The following CREB5 variants were observed in gnomAD, a reference collection of about 807,000 sequenced individuals.
CREB5 encodes cAMP responsive element binding protein 5, also known as cyclic AMP-responsive element-binding protein 5.
In CREB5, 19 loss-of-function variants were observed where a neutral mutation model predicts 57.1. The observed-to-expected ratio is 0.33, with a 90% CI of 0.23 to 0.49. The LOEUF (loss-of-function observed/expected upper bound fraction) is 0.49. CREB5 is among the 20% of genes least tolerant of loss of function. The pLI is 0.99. For missense variants in CREB5, 579 were observed against 671.6 expected (o/e 0.86, Z 1.52); for synonymous variants, 238 against 238.3 (o/e 1.00, Z 0.01).
intron 5 of CREB5, among the ~76,000 whole-genome samples, chr7:28,648,353 AT>A (rs1429830977): frequency 1.3e-5 from 2 of 152,204 alleles, no homozygotes; most frequent in African/African-American, 4.8e-5. Flanking sequence ...ATCCAACTCA[AT>A]TTACAAACAT....
At chr7:28,428,529 A>T (rs1274422559) in intron 1 of CREB5, among the ~76,000 whole-genome samples, 8 of 152,148 alleles carry the variant, frequency 5.3e-5, no homozygotes, top group African/African-American at 1.9e-4. Flanking sequence ...GGACTTGCTG[A>T]GGGATTGGCT....
chr7:28,810,196 A>C (rs1316896128), intron 9 of CREB5, among the ~76,000 whole-genome samples: 1 of 152,090 alleles, frequency 6.6e-6, no homozygotes, highest in Non-Finnish European at 1.5e-5. Context: ...CATTTGTTCT[A>C]ATGTTAAAAA....
intron 1 of CREB5, among the ~76,000 whole-genome samples, chr7:28,418,397 C>T (rs1788104997): frequency 6.6e-6 from 1 of 152,132 alleles, no homozygotes. Context: ...CACGCACCTT[C>T]TTGTGAAGTC....
intron 7 of CREB5, among the ~76,000 whole-genome samples, chr7:28,803,107 G>T (rs914883470): frequency 6.6e-5 from 10 of 152,176 alleles, no homozygotes; most frequent in African/African-American, 2.4e-4. Flanking sequence ...CAAGTTATTT[G>T]TGTGCATGTC....
intron 5 of CREB5, among the ~76,000 whole-genome samples, chr7:28,638,636 C>A (rs1185484111): frequency 6.6e-6 from 1 of 152,050 alleles, no homozygotes; most frequent in Non-Finnish European, 1.5e-5. Context: ...TGTGTGCCAC[C>A]ACGCCCGGTC....
chr7:28,442,356 G>T (rs1306479139), intron 1 of CREB5, among the ~76,000 whole-genome samples: 1 of 152,116 alleles, frequency 6.6e-6, no homozygotes, highest in Non-Finnish European at 1.5e-5. Context: ...TGGACATATA[G>T]GTTGATTCTA....
chr7:28,796,530 T>C (rs1368624001), intron 7 of CREB5, among the ~76,000 whole-genome samples: 1 of 152,172 alleles, frequency 6.6e-6, no homozygotes, highest in East Asian at 1.9e-4. Context: ...GATTCTCATC[T>C]CATTATGTAC....
chr7:28,598,414 A>G (rs1373028501), intron 5 of CREB5, among the ~76,000 whole-genome samples: 4 of 152,166 alleles, frequency 2.6e-5, no homozygotes, highest in African/African-American at 7.2e-5. Flanking sequence ...GGGATGAGCA[A>G]CCATTCCGAG....
intron 9 of CREB5, among the ~76,000 whole-genome samples, chr7:28,816,936 C>G (rs1043228996): frequency 2.0e-5 from 3 of 152,156 alleles, no homozygotes; most frequent in East Asian, 3.8e-4. Context: ...GCTACATTTA[C>G]GTTCACTTTT....
intron 1 of CREB5, among the ~76,000 whole-genome samples, chr7:28,440,066 T>C (rs1328398873): frequency 6.6e-6 from 1 of 152,216 alleles, no homozygotes; most frequent in African/African-American, 2.4e-5. Flanking sequence ...TTTCTTCCAA[T>C]AGACTTTACC....
intron 1 of CREB5, among the ~76,000 whole-genome samples, chr7:28,314,079 G>T (rs1400561333): frequency 6.6e-6 from 1 of 152,076 alleles, no homozygotes; most frequent in Non-Finnish European, 1.5e-5. Flanking sequence ...CTTTGGCCAG[G>T]GTCTCATTTT....
chr7:28,299,619 G>A (rs987473046), intron 1 of CREB5, among the ~76,000 whole-genome samples: 2 of 152,310 alleles, frequency 1.3e-5, no homozygotes, highest in East Asian at 3.9e-4. Flanking sequence ...CTCTAGGCAA[G>A]GCTACTGATA....
At chr7:28,666,060 A>G (rs564277468) in intron 5 of CREB5, among the ~76,000 whole-genome samples, 1 of 152,146 alleles carries the variant, frequency 6.6e-6, no homozygotes. Context: ...AAAATAGTAA[A>G]CATTTTTATT....
chr7:28,574,511 G>A (rs970821519), intron 5 of CREB5, among the ~76,000 whole-genome samples: 2 of 152,176 alleles, frequency 1.3e-5, no homozygotes, highest in Non-Finnish European at 2.9e-5. Flanking sequence ...TCTTAACTAA[G>A]TTGATTCTTC....
chr7:28,527,261 CTTG>C (rs1793488592), intron 4 of CREB5, among the ~76,000 whole-genome samples: 2 of 152,230 alleles, frequency 1.3e-5, no homozygotes, highest in African/African-American at 4.8e-5. Flanking sequence ...TCCTGCTTTT[CTTG>C]TTGTTACTGA....
chr7:28,574,294 C>A (rs1170763396), intron 5 of CREB5, among the ~76,000 whole-genome samples: 2 of 152,170 alleles, frequency 1.3e-5, no homozygotes, highest in Non-Finnish European at 2.9e-5. Context: ...AGTATCTCTC[C>A]TCCAGTCATT....
At chr7:28,512,658 T>C (rs1162582138) in intron 4 of CREB5, among the ~76,000 whole-genome samples, 3 of 138,266 alleles carry the variant, frequency 2.2e-5, no homozygotes, top group African/African-American at 7.4e-5. Context: ...TGTGTGTGTG[T>C]GTGTGTGTGT....
intron 5 of CREB5, among the ~76,000 whole-genome samples, chr7:28,678,604 C>T (rs1359593479): frequency 6.6e-6 from 1 of 152,118 alleles, no homozygotes; most frequent in Non-Finnish European, 1.5e-5. Context: ...AGAGAAACCA[C>T]AGTCATGTAT....
At chr7:28,517,653 G>A (rs970668299) in intron 4 of CREB5, among the ~76,000 whole-genome samples, 7 of 152,190 alleles carry the variant, frequency 4.6e-5, no homozygotes, top group Admixed American at 1.3e-4. Context: ...CGGTTGGGTT[G>A]GTGAGGAGGC....
Sources: allele counts gnomAD v4.1 joint callset (sites outside exome capture counted in the v4.1 genomes callset), GRCh38; gene constraint gnomAD v4.1.1; transcripts MANE v1.5; gene names NCBI Gene and HGNC (gene_info 2026-07-23, HGNC 2026-07-21).